Variants in LDLRAD3 observed in about 807,000 individuals in gnomAD.
LDLRAD3 encodes the protein low density lipoprotein receptor class A domain containing 3.
Under a neutral mutation model 29.4 loss-of-function variants are expected in LDLRAD3, and 20 were observed. The ratio of observed to expected loss-of-function variants is 0.68; its 90% confidence interval spans 0.48 to 0.99. The LOEUF (loss-of-function observed/expected upper bound fraction) is 0.99. Ranked by LOEUF, LDLRAD3 falls within the 50% of genes least tolerant of loss-of-function variation. The probability of loss-of-function intolerance (pLI) is 0.00; values close to 1 mark genes in which losing one functional copy is unlikely to be tolerated. For synonymous variants in LDLRAD3, 157 were observed against 192.7 expected, an observed-to-expected ratio of 0.81 and a Z score of 1.53; for missense variants, 420 against 454.3, an observed-to-expected ratio of 0.92 and a Z score of 0.69.
rs12286533 is a variant in LDLRAD3, at chr11:36,051,267, G to A, written c.193+15018G>A. Among the ~76,000 whole-genome samples, 505 of 152,336 alleles carry A rather than the reference G, an allele frequency of 3.3e-3. 2 individuals are homozygous for A. Among genetic ancestry groups the A allele is most frequent in the African/African-American group, 0.011 (477 of 41,578 alleles). Reference sequence around the variant, plus strand: ...TCAGGGGCACCTAGAGAAGTATGTGGTGGGTCAGTCAGGCAGGGCCACATA... The same window carrying A: ...TCAGGGGCACCTAGAGAAGTATGTGATGGGTCAGTCAGGCAGGGCCACATA... On this transcript the variant is annotated intron_variant, in intron 2 of 5. Transcript: ENST00000315571.
At chr11:35,989,382 A>C (rs575428854) in intron 1 of LDLRAD3, among the ~76,000 whole-genome samples, 2 of 152,274 alleles carry the variant, frequency 1.3e-5, no homozygotes, top group African/African-American at 4.8e-5. Flanking sequence ...TATGAATTTT[A>C]GAATTACTTT....
chr11:36,085,664 T>C (rs1853185393), intron 3 of LDLRAD3, among the ~76,000 whole-genome samples: 1 of 152,022 alleles, frequency 6.6e-6, no homozygotes, highest in Non-Finnish European at 1.5e-5. Flanking sequence ...CAGGCTAGAG[T>C]GCAGTGGTGC....
chr11:35,962,848 G>A (rs781227266), intron 1 of LDLRAD3, among the ~76,000 whole-genome samples: 1 of 152,192 alleles, frequency 6.6e-6, no homozygotes, highest in South Asian at 2.1e-4. Flanking sequence ...ACGAAACAGA[G>A]GGTAAAAAGA....
intron 1 of LDLRAD3, among the ~76,000 whole-genome samples, chr11:36,033,212 G>C (rs912453803): frequency 2.0e-5 from 3 of 152,120 alleles, no homozygotes; most frequent in Non-Finnish European, 4.4e-5. Flanking sequence ...CTTCCCTAAA[G>C]CACACGGCTG....
chr11:36,041,873 T>G (rs1336738823), intron 2 of LDLRAD3, among the ~76,000 whole-genome samples: 1 of 116,384 alleles, frequency 8.6e-6, no homozygotes, highest in African/African-American at 2.5e-5. Flanking sequence ...GTGGGTGTGT[T>G]TGGTTGAGGG....
At chr11:36,006,052 A>T (rs945037430) in intron 1 of LDLRAD3, among the ~76,000 whole-genome samples, 1 of 152,120 alleles carries the variant, frequency 6.6e-6, no homozygotes, top group Non-Finnish European at 1.5e-5. Flanking sequence ...ATGTTGAGCA[A>T]CTTAAACAAA....
chr11:36,185,845 T>C (rs946366411), intron 4 of LDLRAD3, among the ~76,000 whole-genome samples: 1 of 152,256 alleles, frequency 6.6e-6, no homozygotes, highest in African/African-American at 2.4e-5. Context: ...AGCACTGTTA[T>C]GCATTATGCT....
At chr11:36,192,037 C>T (rs1016807323) in intron 4 of LDLRAD3, among the ~76,000 whole-genome samples, 4 of 152,086 alleles carry the variant, frequency 2.6e-5, no homozygotes, top group African/African-American at 7.2e-5. Context: ...AGAGATAAGG[C>T]AGTAAGCTTT....
intron 2 of LDLRAD3, among the ~76,000 whole-genome samples, chr11:36,059,733 T>C (rs1204510492): frequency 4.6e-5 from 7 of 152,182 alleles, no homozygotes; most frequent in Non-Finnish European, 1.0e-4. Flanking sequence ...GACTATCACA[T>C]CTCCGTACAT....
intron 4 of LDLRAD3, among the ~76,000 whole-genome samples, chr11:36,123,408 G>A (rs913420445): frequency 6.6e-6 from 1 of 152,144 alleles, no homozygotes; most frequent in Non-Finnish European, 1.5e-5. Flanking sequence ...CTTTCTCCTG[G>A]GAGCAATGTG....
At chr11:36,098,199 A>T in intron 3 of LDLRAD3, 128 bp from the exon 4 acceptor site, 1 of 1,131,986 alleles carries the variant, frequency 8.8e-7, no homozygotes, top group Non-Finnish European at 1.3e-6. Flanking sequence ...ATGGGCTTTG[A>T]GTCTGCCAGC....
At chr11:36,097,083 G>A (rs563381479) in intron 3 of LDLRAD3, among the ~76,000 whole-genome samples, 2 of 152,074 alleles carry the variant, frequency 1.3e-5, no homozygotes, top group Non-Finnish European at 2.9e-5. Flanking sequence ...GTACTGGCCA[G>A]TTGTCACACT....
chr11:36,100,018 G>A (rs1204532999), intron 4 of LDLRAD3, among the ~76,000 whole-genome samples: 1 of 151,680 alleles, frequency 6.6e-6, no homozygotes, highest in African/African-American at 2.4e-5. Flanking sequence ...CTCCGAAAAT[G>A]CAGTTGTTCA....
At chr11:36,156,848 C>CA (rs941938707) in intron 4 of LDLRAD3, among the ~76,000 whole-genome samples, 45 of 149,766 alleles carry the variant, frequency 3.0e-4, no homozygotes, top group African/African-American at 7.1e-4. Flanking sequence ...TTTGTCATGC[C>CA]AAAAAAAAAG....
At chr11:35,980,315 T>C (rs1172761543) in intron 1 of LDLRAD3, among the ~76,000 whole-genome samples, 2 of 152,138 alleles carry the variant, frequency 1.3e-5, no homozygotes, top group Admixed American at 6.5e-5. Flanking sequence ...CTTGATACCA[T>C]TGGCTTTATT....
intron 1 of LDLRAD3, among the ~76,000 whole-genome samples, chr11:35,954,491 A>G (rs976912087): frequency 6.6e-5 from 10 of 152,238 alleles, no homozygotes; most frequent in Non-Finnish European, 4.4e-5. Flanking sequence ...TATCAGGCAC[A>G]CAGTAGGATT....
intron 1 of LDLRAD3, among the ~76,000 whole-genome samples, chr11:35,965,627 G>A (rs1028140724): frequency 6.6e-6 from 1 of 152,170 alleles, no homozygotes; most frequent in Non-Finnish European, 1.5e-5. Context: ...AAAAAATTCT[G>A]GAGAGAGGAG....
rs531864086 is a variant in LDLRAD3 at position 36,088,904 on chromosome 11, C to G, written c.319+7126C>G. Among the ~76,000 whole-genome samples the G allele has an allele frequency of 5.6e-4, 85 of 152,298 alleles. 2 individuals carry two copies. The South Asian group carries it at 0.018, about 32-fold the overall frequency. On this transcript the variant is annotated intron_variant, in intron 3 of 5. Transcript: ENST00000315571. ...ATCAGAGAGGCCTTCCATGACCACT[C>G]TATGAAAAATGACCCCTCTCCTCCC...
intron 4 of LDLRAD3, among the ~76,000 whole-genome samples, chr11:36,114,663 T>C (rs1313051657): frequency 1.3e-5 from 2 of 152,208 alleles, no homozygotes. Context: ...CTTTCCTGTG[T>C]GGCACAGAAC....
Sources: gnomAD v4.1 joint callset for allele counts (sites outside exome capture counted in the v4.1 genomes callset) on GRCh38, gnomAD v4.1.1 for gene constraint, MANE v1.5 for transcripts, NCBI Gene and HGNC (gene_info 2026-07-23, HGNC 2026-07-21) for gene names.